The following MTRF1L variants were observed in gnomAD, a reference collection of about 807,000 sequenced individuals.
MTRF1L encodes the protein peptide chain release factor 1-like, mitochondrial.
In MTRF1L, 29 loss-of-function variants were observed where a neutral mutation model predicts 40.0. That is an observed-to-expected ratio of 0.73 (90% CI 0.54 to 0.99). The LOEUF (loss-of-function observed/expected upper bound fraction) is 0.99, where lower values mean the gene tolerates loss of function less well. MTRF1L is among the 50% of genes least tolerant of loss of function. MTRF1L has a pLI of 0.00. For missense variants in MTRF1L, 412 were observed against 464.5 expected, an observed-to-expected ratio of 0.89 and a Z score of 1.04; for synonymous variants, 150 against 175.8, an observed-to-expected ratio of 0.85 and a Z score of 1.16.
rs1584088322 is a variant in MTRF1L, at chr6:152,987,589, A to G, written c.*2306T>C. 6 of 151,730 alleles carry G rather than the reference A, an allele frequency of 4.0e-5. No individual in the cohort carries two copies. The South Asian group carries it at 1.3e-3, about 32-fold the overall frequency. 9.4% of individuals were successfully genotyped at this position (151,730 alleles called of 1,614,324 possible). A position where few individuals can be genotyped will look rare whatever the true frequency, so the allele number is the denominator to read the frequency against. ...GACAAGAGCAGTGGTAATGGAATTGAAAAGGATTAAAAGTGTTTACCAGGT... is the reference window on the plus strand; with the variant it reads ...GACAAGAGCAGTGGTAATGGAATTGGAAAGGATTAAAAGTGTTTACCAGGT... On this transcript the variant is annotated 3_prime_UTR_variant, in exon 7 of 7. Transcript: ENST00000367233.
At chr6:152,993,581 G>C (rs747919654) in intron 4 of MTRF1L, among the ~76,000 whole-genome samples, 10 of 152,188 alleles carry the variant, frequency 6.6e-5, no homozygotes, top group Non-Finnish European at 1.3e-4. Context: ...AATGCTGACA[G>C]TAAGAATCCT....
chr6:152,994,707 T>C, intron 3 of MTRF1L, 31 bp from the exon 4 acceptor site: 1 of 1,612,280 alleles, frequency 6.2e-7, no homozygotes, highest in Non-Finnish European at 8.5e-7. Flanking sequence ...GAATTATTTT[T>C]ATTATTCCTG....
rs563117669 is a variant in MTRF1L at position 153,001,455 on chromosome 6, G to A, written c.259+972C>T. Among the ~76,000 whole-genome samples, 11 of 152,256 alleles carry A rather than the reference G, an allele frequency of 7.2e-5. No homozygotes were observed. In the East Asian group the frequency reaches 2.1e-3, roughly 29 times the overall value. On this transcript the variant is annotated intron_variant, in intron 1 of 6. Transcript: ENST00000367233. ...TGGGCTCAATTTTTCTCCTATGTCA[G>A]TAATTTTTTCTCCTAGACTAGTACA... is the stretch of plus-strand genomic sequence containing the variant.
At chr6:152,999,490 A>G (rs1016822384) in intron 1 of MTRF1L, among the ~76,000 whole-genome samples, 5 of 152,184 alleles carry the variant, frequency 3.3e-5, no homozygotes, top group African/African-American at 1.2e-4. Flanking sequence ...AGAGAAAAAC[A>G]AAAAATAACC....
chr6:152,999,114 A>C (rs1016214981), intron 1 of MTRF1L, among the ~76,000 whole-genome samples: 8 of 152,172 alleles, frequency 5.3e-5, no homozygotes, highest in African/African-American at 1.7e-4. Context: ...TATCCACCCA[A>C]AAACATTTAT....
At position 152,989,817 on chromosome 6, in the gene MTRF1L, A is replaced by G; in HGVS notation, c.*78T>C. The stretch of plus-strand genomic sequence containing the variant: ...GTGTTAACTCAACGTTTTTCAAGAG[A>G]GTAAGGGTACTTTCACCCTATGTGG... On this transcript the variant is annotated 3_prime_UTR_variant, in exon 7 of 7. Coordinates refer to ENST00000367233, the MANE Select transcript of MTRF1L (RefSeq NM_019041.7). The G allele has an allele frequency of 1.4e-6, 2 of 1,464,756 alleles. No individual in the cohort carries two copies. Among genetic ancestry groups the G allele is most frequent in the Non-Finnish European group, 9.1e-7 (1 of 1,099,832 alleles). The allele number at this position is 1,464,756 out of a possible 1,614,324, so 90.7% of individuals were successfully genotyped here. A position where few individuals can be genotyped will look rare whatever the true frequency, so the allele number is the denominator to read the frequency against.
intron 2 of MTRF1L, among the ~76,000 whole-genome samples, chr6:152,997,340 A>C (rs2129100279): frequency 6.6e-6 from 1 of 152,342 alleles, no homozygotes; most frequent in East Asian, 1.9e-4. Flanking sequence ...TTCTGACAAA[A>C]AAATTAAAGG....
Position 152,992,945 on chromosome 6 carries a change from C to T in MTRF1L, c.717G>A (p.Leu239=), listed in dbSNP as rs547542922. The change falls in exon 5 of 7, where the codon TTG becomes TTA. Residue 239 remains leucine, a synonymous_variant. Transcript: ENST00000367233. ...EINLVINPKD[L]RIDTKRASGA... is the part of the protein sequence containing the mutation. Reference sequence around the variant, plus strand: ...CACTGGCTCGCTTAGTGTCAATTCTCAAATCTTTCGGATTAATCACCAGAT... The same window carrying T: ...CACTGGCTCGCTTAGTGTCAATTCTTAAATCTTTCGGATTAATCACCAGAT... 1 of 1,613,258 alleles carries T rather than the reference C, an allele frequency of 6.2e-7. No homozygotes were observed. Among genetic ancestry groups the T allele is most frequent in the African/African-American group, 1.3e-5 (1 of 74,968 alleles).
intron 3 of MTRF1L, 95 bp from the exon 4 acceptor site, chr6:152,994,771 G>A (rs778253776): frequency 2.1e-5 from 30 of 1,449,234 alleles, no homozygotes; most frequent in Non-Finnish European, 2.5e-5. Flanking sequence ...TATTTTTAAA[G>A]TCATAAAAGG....
At chr6:152,995,470 T>C (rs1778685928) in intron 2 of MTRF1L, 151 bp from the exon 3 acceptor site, 5 of 615,408 alleles carry the variant, frequency 8.1e-6, no homozygotes, top group Non-Finnish European at 1.4e-5. Flanking sequence ...CCTTGCCAAT[T>C]AGAACTGTAT....
Position 152,987,414 on chromosome 6 carries a change from AG to A in MTRF1L, c.*2480del, listed in dbSNP as rs1778375229. 1 of 152,206 alleles carries A rather than the reference AG, an allele frequency of 6.6e-6. No homozygotes were observed. The highest frequency in any genetic ancestry group is 2.1e-4 in the South Asian group (1 of 4,830). 9.4% of individuals were successfully genotyped at this position (152,206 alleles called of 1,614,324 possible). A position where few individuals can be genotyped will look rare whatever the true frequency, so the allele number is the denominator to read the frequency against. ...CTGGTTTTATTTGGGAGACAATGGG[AG>A]CTTTTACATTGTTGAGCAAAGGAGT... On this transcript the variant is annotated 3_prime_UTR_variant, in exon 7 of 7. Coordinates refer to ENST00000367233, the MANE Select transcript of MTRF1L (RefSeq NM_019041.7).
chr6:153,000,609 G>A (rs1778878061), intron 1 of MTRF1L, among the ~76,000 whole-genome samples: 1 of 151,974 alleles, frequency 6.6e-6, no homozygotes, highest in African/African-American at 2.4e-5. Flanking sequence ...TTCTAAATGG[G>A]TCCTTTTCTT....
At chr6:152,996,536 T>C (rs1778720423) in intron 2 of MTRF1L, among the ~76,000 whole-genome samples, 1 of 152,188 alleles carries the variant, frequency 6.6e-6, no homozygotes. Context: ...TTTAGTAATT[T>C]TCACATTTGC....
At chr6:152,994,147 G>A (rs929743795) in intron 4 of MTRF1L, among the ~76,000 whole-genome samples, 6 of 152,072 alleles carry the variant, frequency 3.9e-5, no homozygotes, top group African/African-American at 7.2e-5. Context: ...ATTCTGTTAA[G>A]TAATTACCTT....
At chr6:152,991,001 C>T (rs1275338661) in intron 6 of MTRF1L, among the ~76,000 whole-genome samples, 184 bp downstream of exon 6, 3 of 151,908 alleles carry the variant, frequency 2.0e-5, no homozygotes, top group Non-Finnish European at 4.4e-5. Flanking sequence ...AGAAAAATAC[C>T]TTTGAATATA....
rs939284793 is a variant in MTRF1L, at chr6:152,990,148, T to G, written c.943-53A>C. On this transcript the variant is annotated intron_variant, in intron 6 of 6. Transcript: ENST00000367233. ...AGCTAGATTCAGGGCAATTTAAACC[T>G]ACAAATTTAACTTATTTGGAGACTT... 51 of 1,573,046 alleles carry G rather than the reference T, an allele frequency of 3.2e-5. No homozygotes were observed. In the South Asian group the frequency reaches 4.6e-4, roughly 14 times the overall value.
intron 1 of MTRF1L, among the ~76,000 whole-genome samples, chr6:153,000,867 A>ATTTT (rs10536494): frequency 8.0e-5 from 8 of 100,472 alleles, no homozygotes; most frequent in African/African-American, 1.2e-4. Flanking sequence ...GGTACTACGG[A>ATTTT]TTTTTTTTTT....
intron 2 of MTRF1L, among the ~76,000 whole-genome samples, chr6:152,995,852 CAG>C (rs1401727384): frequency 4.6e-5 from 7 of 152,166 alleles, no homozygotes; most frequent in East Asian, 3.9e-4. Context: ...GTAAAGGAAA[CAG>C]AGCTTAACAG....
chr6:152,990,728 G>T (rs1778478989), intron 6 of MTRF1L, among the ~76,000 whole-genome samples: 1 of 152,172 alleles, frequency 6.6e-6, no homozygotes, highest in South Asian at 2.1e-4. Flanking sequence ...GGAGGCTGCA[G>T]CAGGAGAATT....
Sources: allele counts gnomAD v4.1 joint callset (sites outside exome capture counted in the v4.1 genomes callset), GRCh38; gene constraint gnomAD v4.1.1; transcripts MANE v1.5; gene names NCBI Gene and HGNC (gene_info 2026-07-23, HGNC 2026-07-21).